Variants in ZNF33A observed in about 807,000 individuals in gnomAD.
ZNF33A encodes the protein brain my041 protein.
A neutral mutation model predicts 15.9 loss-of-function variants in ZNF33A; 9 were observed. The observed-to-expected ratio is 0.57, with a 90% CI of 0.34 to 0.99. The LOEUF (loss-of-function observed/expected upper bound fraction) is 0.99. ZNF33A is among the 50% of genes least tolerant of loss of function. The probability of loss-of-function intolerance (pLI) is 0.02; values close to 1 mark genes in which losing one functional copy is unlikely to be tolerated. For missense variants in ZNF33A, 843 were observed against 941.6 expected, an observed-to-expected ratio of 0.90 and a Z score of 1.37; for synonymous variants, 294 against 324.2, an observed-to-expected ratio of 0.91 and a Z score of 1.00.
chr10:38,016,375 C>T (rs1459548716), intron 2 of ZNF33A, among the ~76,000 whole-genome samples: 1 of 152,192 alleles, frequency 6.6e-6, no homozygotes, highest in Admixed American at 6.6e-5. Context: ...CAGGCCATCT[C>T]CTGTGCTGTC....
At chr10:38,036,394 C>G (rs1333033041) in intron 4 of ZNF33A, among the ~76,000 whole-genome samples, 1 of 151,782 alleles carries the variant, frequency 6.6e-6, no homozygotes, top group Non-Finnish European at 1.5e-5. Flanking sequence ...GCTGAGATTG[C>G]ACCATTGCAC....
At chr10:38,018,148 A>G (rs1219506506) in intron 4 of ZNF33A, among the ~76,000 whole-genome samples, 6 of 152,234 alleles carry the variant, frequency 3.9e-5, no homozygotes, top group Non-Finnish European at 5.9e-5. Context: ...TATATTATGT[A>G]TACCTATATG....
intron 4 of ZNF33A, among the ~76,000 whole-genome samples, chr10:38,028,470 A>AT (rs140172399): frequency 0.067 from 9,126 of 136,842 alleles, 343 homozygotes; most frequent in Middle Eastern, 0.1. Flanking sequence ...TGTTTTGTTG[A>AT]TTTTTTTTTT....
intron 2 of ZNF33A, 21 bp downstream of exon 2, chr10:38,012,371 C>T: frequency 6.2e-7 from 1 of 1,611,316 alleles, no homozygotes; most frequent in African/African-American, 1.3e-5. Flanking sequence ...TATTAATTCC[C>T]TACTTTATTT....
chr10:38,051,060 T>TA (rs1333918364), intron 4 of ZNF33A, among the ~76,000 whole-genome samples: 1 of 151,482 alleles, frequency 6.6e-6, no homozygotes, highest in African/African-American at 2.5e-5. Context: ...AAGTCAATTT[T>TA]AAAAATAGTT....
chr10:38,016,327 A>T (rs1270274030), intron 2 of ZNF33A, among the ~76,000 whole-genome samples: 1 of 152,222 alleles, frequency 6.6e-6, no homozygotes, highest in Non-Finnish European at 1.5e-5. Context: ...AAATTACTCT[A>T]TAACCCATTT....
chr10:38,034,569 A>G (rs2065356673), intron 4 of ZNF33A, among the ~76,000 whole-genome samples: 1 of 152,170 alleles, frequency 6.6e-6, no homozygotes, highest in African/African-American at 2.4e-5. Context: ...GTTGGCCTGA[A>G]ATGTCTTGGC....
In ZNF33A at chr10:38,055,496, G is replaced by A. The variant is rs188466394; in HGVS notation, c.1372G>A (p.Val458Ile). ...KSFRVTSHLK[V>I]HQRTHTGEKP... ...CTTCCGTGTGACTTCGCACCTTAAA[G>A]TACACCAGAGAACTCACACAGGTGA... Residue 458 changes from valine to isoleucine, a missense_variant, in exon 5 of 5, where the codon GTA becomes ATA. By Grantham distance (29) the Val-to-Ile change is conservative. Transcript: ENST00000432900. 1 of 1,613,758 alleles carries A rather than the reference G, an allele frequency of 6.2e-7. No homozygotes were observed. The highest frequency in any genetic ancestry group is 1.7e-5 in the Admixed American group (1 of 59,974).
rs767352248 is a variant in ZNF33A, at chr10:38,055,839, A to G, written c.1715A>G (p.Tyr572Cys). 57 of 1,613,978 alleles carry G rather than the reference A, an allele frequency of 3.5e-5. No individual in the cohort carries two copies. Among genetic ancestry groups the G allele is most frequent in the Admixed American group, 6.7e-5 (4 of 59,994 alleles). ...CATAAGTCAACCCTCTCTCAACATT[A>G]TAGAACACACACAGGGGAGAAACCC... is the stretch of plus-strand genomic sequence containing the variant. ...FSHKSTLSQH[Y>C]RTHTGEKPYE... Residue 572 changes from tyrosine to cysteine, a missense_variant, in exon 5 of 5, where the codon TAT becomes TGT. Coordinates refer to ENST00000432900, the MANE Select transcript of ZNF33A (RefSeq NM_006954.2).
At chr10:38,062,477 C>T (rs1275777226), downstream of ZNF33A, among the ~76,000 whole-genome samples, 22 of 152,174 alleles carry the variant, frequency 1.4e-4, no homozygotes, top group Admixed American at 1.4e-3. Flanking sequence ...CCCAATGCTG[C>T]GTAAGACATT....
intron 4 of ZNF33A, among the ~76,000 whole-genome samples, chr10:38,036,089 A>C (rs187904962): frequency 8.9e-4 from 136 of 152,332 alleles, no homozygotes; most frequent in Non-Finnish European, 1.6e-3. Flanking sequence ...ATAGAATGCA[A>C]CATTGTATGA....
chr10:38,061,903 G>C (rs1344615766), downstream of ZNF33A, among the ~76,000 whole-genome samples: 3 of 152,174 alleles, frequency 2.0e-5, no homozygotes, highest in African/African-American at 2.4e-5. Context: ...GTTGCAGTGA[G>C]CCAAGTTGGT....
intron 1 of ZNF33A, among the ~76,000 whole-genome samples, chr10:38,011,787 A>G (rs2064198757): frequency 6.6e-6 from 1 of 152,216 alleles, no homozygotes; most frequent in Non-Finnish European, 1.5e-5. Context: ...GAGAAATAGC[A>G]ACAAAGTTAG....
chr10:38,067,768 A>G (rs1222381619), downstream of ZNF33A, among the ~76,000 whole-genome samples: 1 of 152,248 alleles, frequency 6.6e-6, no homozygotes, highest in Non-Finnish European at 1.5e-5. Flanking sequence ...CTCAGAAACC[A>G]GTTGAAAAGG....
rs10658326 is a variant in ZNF33A, at chr10:38,014,035, A to ATTTT, written c.9+1710_9+1713dup. On this transcript the variant is annotated intron_variant, in intron 2 of 4. Coordinates refer to ENST00000432900, the MANE Select transcript of ZNF33A (RefSeq NM_006954.2). The stretch of plus-strand genomic sequence containing the variant: ...AAAGCCCCAAATTTAATGATGTCTG[A>ATTTT]TTTTTTTTTTTTTTTTTTTTTTTTT... 4.9e-3 allele frequency among the ~76,000 whole-genome samples: 397 copies of ATTTT among 80,360 alleles called. 85 individuals are homozygous for ATTTT. Among genetic ancestry groups the ATTTT allele is most frequent in the South Asian group, 9.8e-3 (17 of 1,736 alleles). 52.7% of individuals were successfully genotyped at this position (80,360 alleles called of 152,430 possible). A position where few individuals can be genotyped will look rare whatever the true frequency, so the allele number is the denominator to read the frequency against.
At chr10:38,046,987 C>T (rs1264556476) in intron 4 of ZNF33A, among the ~76,000 whole-genome samples, 1 of 151,778 alleles carries the variant, frequency 6.6e-6, no homozygotes, top group Non-Finnish European at 1.5e-5. Flanking sequence ...GCCTGGGCAA[C>T]ATGGTGAAAC....
chr10:38,044,564 A>G (rs1462343297), intron 4 of ZNF33A, among the ~76,000 whole-genome samples: 2 of 151,874 alleles, frequency 1.3e-5, no homozygotes, highest in Non-Finnish European at 2.9e-5. Context: ...TAATTTTTGA[A>G]TCCAGAATTT....
intron 2 of ZNF33A, 146 bp downstream of exon 2, chr10:38,012,496 A>G: frequency 1.0e-6 from 1 of 969,676 alleles, no homozygotes; most frequent in Non-Finnish European, 1.5e-6. Context: ...CAATGTCCCC[A>G]TCTCGGTTCA....
intron 4 of ZNF33A, among the ~76,000 whole-genome samples, chr10:38,046,940 A>C (rs1412838693): frequency 1.3e-5 from 2 of 151,904 alleles, no homozygotes; most frequent in Non-Finnish European, 2.9e-5. Flanking sequence ...TTGGCAGGCC[A>C]AGGGAAGGAT....
Sources: gnomAD v4.1 joint callset for allele counts (sites outside exome capture counted in the v4.1 genomes callset) on GRCh38, gnomAD v4.1.1 for gene constraint, MANE v1.5 for transcripts, NCBI Gene and HGNC (gene_info 2026-07-23, HGNC 2026-07-21) for gene names.